The following ERGIC1 variants were observed in gnomAD, a reference collection of about 807,000 sequenced individuals.
ERGIC1 encodes the protein endoplasmic reticulum-golgi intermediate compartment 1.
A neutral mutation model predicts 38.3 loss-of-function variants in ERGIC1; 19 were observed. The ratio of observed to expected loss-of-function variants is 0.50; its 90% CI spans 0.35 to 0.73. The LOEUF (loss-of-function observed/expected upper bound fraction) is 0.73. Among genes scored for constraint, ERGIC1 ranks in the 30% least tolerant of loss-of-function variants. The pLI is 0.01. For missense variants in ERGIC1, 294 were observed against 389.2 expected, an observed-to-expected ratio of 0.76 and a Z score of 2.06; for synonymous variants, 124 against 157.6, an observed-to-expected ratio of 0.79 and a Z score of 1.60.
intron 4 of ERGIC1, among the ~76,000 whole-genome samples, chr5:172,911,940 C>T (rs776416553): frequency 1.3e-5 from 2 of 152,030 alleles, no homozygotes; most frequent in African/African-American, 4.8e-5. Flanking sequence ...CAGGTGGGGC[C>T]CCCGTTCCCT....
intron 1 of ERGIC1, among the ~76,000 whole-genome samples, chr5:172,844,079 A>G (rs903712018): frequency 6.6e-6 from 1 of 152,220 alleles, no homozygotes; most frequent in African/African-American, 2.4e-5. Context: ...CGGGGTTTGC[A>G]GGGCACAGAT....
chr5:172,903,903 T>C (rs1561727106), intron 3 of ERGIC1, among the ~76,000 whole-genome samples: 3 of 151,344 alleles, frequency 2.0e-5, no homozygotes, highest in Non-Finnish European at 4.4e-5. Context: ...TCCCCTGCAC[T>C]GCTGTATTTT....
chr5:172,917,359 G>A (rs2113422480), intron 5 of ERGIC1: 1 of 152,344 alleles, frequency 6.6e-6, no homozygotes, highest in East Asian at 1.9e-4. Flanking sequence ...AGATGTTGAG[G>A]TGGGAGTCAT....
rs923298754 is a variant in ERGIC1, at chr5:172,834,313, C to A, written c.-101C>A. ...TGGCGAGTGTCAGGGGGGCGGCCGG[C>A]GGGGGCGGGGCGGCCGGAGGAGGCG... On this transcript the variant is annotated 5_prime_UTR_variant, in exon 1 of 10. Coordinates refer to ENST00000393784, the MANE Select transcript of ERGIC1 (RefSeq NM_001031711.3). This position sits in a 1 kb window ranked among gnomAD's most constrained non-coding sequence, Gnocchi z 4.1. The A allele has an allele frequency of 3.7e-6, 4 of 1,088,618 alleles. No individual in the cohort carries two copies. In the Admixed American group the frequency reaches 1.9e-4, roughly 53 times the overall value. The allele number at this position is 1,088,618 out of a possible 1,614,324, so 67.4% of individuals were successfully genotyped here. A position where few individuals can be genotyped will look rare whatever the true frequency, so the allele number is the denominator to read the frequency against.
intron 1 of ERGIC1, among the ~76,000 whole-genome samples, chr5:172,876,897 G>A (rs1049918246): frequency 9.9e-5 from 15 of 152,012 alleles, no homozygotes; most frequent in African/African-American, 1.5e-4. Context: ...AGCCGAAATC[G>A]CGCCATTGCA....
chr5:172,918,588 C>T (rs1265243612), intron 5 of ERGIC1, among the ~76,000 whole-genome samples: 1 of 152,258 alleles, frequency 6.6e-6, no homozygotes, highest in Non-Finnish European at 1.5e-5. Context: ...GCTGGCGCTA[C>T]CAGGCTCAGG....
intron 1 of ERGIC1, among the ~76,000 whole-genome samples, chr5:172,887,504 A>T (rs1034305830): frequency 2.0e-5 from 3 of 152,240 alleles, no homozygotes; most frequent in African/African-American, 7.2e-5. Context: ...AGGAGGAAAC[A>T]GGCTCCGAGA....
intron 1 of ERGIC1, among the ~76,000 whole-genome samples, chr5:172,857,582 A>G (rs979452411): frequency 3.2e-5 from 4 of 124,838 alleles, no homozygotes; most frequent in Admixed American, 8.5e-5. Context: ...ATGGGCTAAT[A>G]ATGGTGCCCC....
intron 3 of ERGIC1, among the ~76,000 whole-genome samples, chr5:172,906,409 C>T (rs573928121): frequency 2.0e-5 from 3 of 152,082 alleles, no homozygotes; most frequent in African/African-American, 2.4e-5. Context: ...ATTTCACAGG[C>T]GCACATGGGA....
chr5:172,915,814 C>T (rs1356368482), intron 5 of ERGIC1: 18 of 368,026 alleles, frequency 4.9e-5, no homozygotes, highest in South Asian at 3.1e-4. Context: ...CTGGCTTCTC[C>T]TTGTCCCTCC....
chr5:172,888,866 A>G (rs1253359085), intron 2 of ERGIC1, 106 bp downstream of exon 2: 2 of 1,090,720 alleles, frequency 1.8e-6, no homozygotes, highest in Admixed American at 1.8e-5. Context: ...GAAAGACAGG[A>G]GGGAGGAAAG....
Position 172,935,325 on chromosome 5 carries a change from G to T in ERGIC1, c.765+15G>T. 6.2e-7 allele frequency: 1 copy of T among 1,613,928 alleles called. No homozygotes were observed. Among genetic ancestry groups the T allele is most frequent in the Non-Finnish European group, 8.5e-7 (1 of 1,180,002 alleles). On this transcript the variant is annotated intron_variant, in intron 9 of 9. Coordinates refer to ENST00000393784, the MANE Select transcript of ERGIC1 (RefSeq NM_001031711.3). The stretch of plus-strand genomic sequence containing the variant: ...TCATCACCACGGTGAGTGGCCTGGG[G>T]CAGTGGGTGGGGCCCTGAGCCAGCC...
At chr5:172,911,898 A>G (rs1026484784) in intron 4 of ERGIC1, among the ~76,000 whole-genome samples, 20 of 152,062 alleles carry the variant, frequency 1.3e-4, no homozygotes, top group African/African-American at 4.8e-4. Context: ...TTGTCCCAGC[A>G]TGCCATCTTC....
intron 1 of ERGIC1, among the ~76,000 whole-genome samples, chr5:172,878,848 G>T (rs1401155973): frequency 6.6e-6 from 1 of 152,156 alleles, no homozygotes; most frequent in Non-Finnish European, 1.5e-5. Flanking sequence ...CGGGCCAGTG[G>T]TTCTCAGTAA....
At chr5:172,930,049 G>A (rs766632577) in intron 7 of ERGIC1, among the ~76,000 whole-genome samples, 64 of 152,114 alleles carry the variant, frequency 4.2e-4, no homozygotes, top group African/African-American at 1.3e-3. Context: ...TTAGCCAGGC[G>A]TGGTGGCAGG....
chr5:172,914,254 A>AAAACAAAT (rs796565475), intron 4 of ERGIC1, among the ~76,000 whole-genome samples: 1 of 131,240 alleles, frequency 7.6e-6, no homozygotes, highest in Non-Finnish European at 1.6e-5. Flanking sequence ...AAAAAAAAAA[A>AAAACAAAT]AAATACAAAG....
intron 9 of ERGIC1, 105 bp from the exon 10 acceptor site, chr5:172,950,604 T>C (rs1764209986): frequency 1.0e-6 from 1 of 966,622 alleles, no homozygotes. Flanking sequence ...ACGGGCAATG[T>C]CTGCCTTGCA....
intron 1 of ERGIC1, among the ~76,000 whole-genome samples, chr5:172,854,983 G>T (rs1761508814): frequency 6.6e-6 from 1 of 152,150 alleles, no homozygotes; most frequent in Non-Finnish European, 1.5e-5. Context: ...CTTAAGTGAG[G>T]CCTTGCTGTA....
chr5:172,940,798 C>T (rs966302549), intron 9 of ERGIC1, among the ~76,000 whole-genome samples: 8 of 152,242 alleles, frequency 5.3e-5, no homozygotes, highest in African/African-American at 1.7e-4. Flanking sequence ...AGACGTTCCT[C>T]TCTGCTGCCC....
Sources: gnomAD v4.1 joint callset for allele counts (sites outside exome capture counted in the v4.1 genomes callset) on GRCh38, gnomAD v4.1.1 for gene constraint, Gnocchi (gnomAD v3.1) non-coding constraint, MANE v1.5 for transcripts, NCBI Gene and HGNC (gene_info 2026-07-23, HGNC 2026-07-21) for gene names.